Variants in IFIT3 observed in about 807,000 individuals in gnomAD.
IFIT3 encodes interferon induced protein with tetratricopeptide repeats 3.
A neutral mutation model predicts 2.4 loss-of-function variants in IFIT3; 2 were observed. The ratio of observed to expected loss-of-function variants is 0.82; its 90% CI spans 0.34 to 2.60. IFIT3 has a LOEUF of 2.60. IFIT3 is among the 30% of genes most tolerant of loss of function. IFIT3 has a pLI of 0.11. For synonymous variants in IFIT3, 203 were observed against 212.1 expected, an observed-to-expected ratio of 0.96 and a Z score of 0.37; for missense variants, 481 against 562.4, an observed-to-expected ratio of 0.86 and a Z score of 1.46.
chr10:89,334,967 G>A (rs1843712985), intron 1 of IFIT3, among the ~76,000 whole-genome samples: 1 of 152,164 alleles, frequency 6.6e-6, no homozygotes. Context: ...CTTGGCAATT[G>A]GAGTATTTGT....
Position 89,339,237 on chromosome 10 carries a change from T to G in IFIT3, c.582T>G (p.Asp194Glu). The change falls in exon 2 of 2, where the codon GAT becomes GAG. Residue 194 changes from aspartate (D) to glutamate (E), a missense_variant. Physicochemically the swap from Asp to Glu is conservative, Grantham distance 45 (BLOSUM62 2). Transcript: ENST00000371818. ...DNHPEKQFST[D>E]VLKQAIELSP... ...ACCCAGAGAAACAGTTCTCTACTGA[T>G]GTTTTGAAGCAGGCCATTGAGCTGA... The G allele has an allele frequency of 6.2e-7, 1 of 1,614,200 alleles. No homozygotes were observed. The highest frequency in any genetic ancestry group is 1.1e-5 in the South Asian group (1 of 91,082).
intron 1 of IFIT3, chr10:89,338,356 A>T: frequency 3.8e-6 from 1 of 260,944 alleles, no homozygotes. Context: ...AAAAAGACCA[A>T]TGTCCTAGCT....
rs2133569883 is a variant in IFIT3, at chr10:89,339,473, A to G, written c.818A>G (p.Asn273Ser). The G allele has an allele frequency of 1.2e-6, 2 of 1,614,096 alleles. No homozygotes were observed. Among genetic ancestry groups the G allele is most frequent in the Non-Finnish European group, 1.7e-6 (2 of 1,179,934 alleles). ...CAACGGGTGTTGGAATCCACACCAA[A>G]CAATGGCTACCTCTATCACCAGATT... ...LFQRVLESTP[N>S]NGYLYHQIGC... Residue 273 changes from asparagine (N) to serine (S), a missense_variant, in exon 2 of 2, where the codon AAC becomes AGC. Transcript: ENST00000371818.
intron 1 of IFIT3, 152 bp from the exon 2 acceptor site, chr10:89,338,509 C>A: frequency 1.4e-6 from 1 of 717,680 alleles, no homozygotes; most frequent in Non-Finnish European, 2.3e-6. Flanking sequence ...TCATGTCTTC[C>A]AGAAACAACC....
chr10:89,336,172 GGGAA>G (rs1180450072), intron 1 of IFIT3, among the ~76,000 whole-genome samples: 67 of 150,230 alleles, frequency 4.5e-4, no homozygotes, highest in East Asian at 7.8e-4. Context: ...GAGGGAGGGA[GGGAA>G]GGAAGGAAGG....
At chr10:89,336,036 T>C (rs527637433) in intron 1 of IFIT3, among the ~76,000 whole-genome samples, 11 of 151,826 alleles carry the variant, frequency 7.2e-5, no homozygotes, top group African/African-American at 2.7e-4. Flanking sequence ...AACACTTTGG[T>C]ATGTCGAGGC....
In IFIT3 at chr10:89,338,914, G is replaced by T. The variant is rs765900036; in HGVS notation, c.259G>T (p.Asp87Tyr). 5 of 1,614,140 alleles carry T rather than the reference G, an allele frequency of 3.1e-6. No homozygotes were observed. The Admixed American group carries it at 8.3e-5, about 27-fold the overall frequency. Residue 87 changes from aspartate to tyrosine, a missense_variant, in exon 2 of 2, where the codon GAC becomes TAC. Transcript: ENST00000371818. ...AGAGTTAATCCAGCAAGAACATGCT[G>T]ACCAAGCAGAAATCAGAAGTCTAGT... ...AEELIQQEHA[D>Y]QAEIRSLVTW...
At chr10:89,329,253 T>C (rs1843626940) in intron 1 of IFIT3, among the ~76,000 whole-genome samples, 1 of 152,078 alleles carries the variant, frequency 6.6e-6, no homozygotes, top group Non-Finnish European at 1.5e-5. Context: ...TGTTTGGGGA[T>C]GAGATGGGTA....
rs547323886 is a variant in IFIT3 at position 89,332,427 on chromosome 10, A to T, written c.5+4349A>T. The T allele has an allele frequency of 2.1e-5, 29 of 1,357,414 alleles. No individual in the cohort carries two copies. In the African/African-American group the frequency reaches 3.7e-4, roughly 17 times the overall value. The allele number at this position is 1,357,414 out of a possible 1,614,324, so 84.1% of individuals were successfully genotyped here. ...TGGCGTGAGTGAGCTCAGTTCTCACAGATTCTGTTTCAGTTTCCCCTCAAG... is the reference window on the plus strand; with the variant it reads ...TGGCGTGAGTGAGCTCAGTTCTCACTGATTCTGTTTCAGTTTCCCCTCAAG... On this transcript the variant is annotated intron_variant, in intron 1 of 1. Transcript: ENST00000371818.
Position 89,340,131 on chromosome 10 carries a change from C to A in IFIT3, c.*3C>A. The A allele has an allele frequency of 6.3e-7, 1 of 1,577,118 alleles. No individual in the cohort carries two copies. The highest frequency in any genetic ancestry group is 8.6e-7 in the Non-Finnish European group (1 of 1,160,902). On this transcript the variant is annotated 3_prime_UTR_variant, in exon 2 of 2. Coordinates refer to ENST00000371818, the MANE Select transcript of IFIT3 (RefSeq NM_001549.6). ...CTAACTCAGAGCAACTGAACTGAGA[C>A]AGAGGAGGAAAACAGAGCATCAGAA...
chr10:89,340,075 G>C lies in IFIT3; in HGVS notation c.1420G>C (p.Ala474Pro), dbSNP rs750097286. 6.2e-7 allele frequency: 1 copy of C among 1,612,996 alleles called. No individual in the cohort carries two copies. Among genetic ancestry groups the C allele is most frequent in the African/African-American group, 1.3e-5 (1 of 74,898 alleles). The stretch of plus-strand genomic sequence containing the variant: ...TGGTAGTGAGGAAATGGGCCAGGGC[G>C]CAGTCAGCTCCAGTCCCAGAGAGCT... ...EDGSEEMGQG[A>P]VSSSPRELLS... Residue 474 changes from alanine to proline, a missense_variant, in exon 2 of 2, where the codon GCA (alanine) becomes CCA (proline). Ala to Pro is a conservative substitution (Grantham distance 27). Transcript: ENST00000371818.
At chr10:89,335,111 G>A (rs1261435404) in intron 1 of IFIT3, among the ~76,000 whole-genome samples, 1 of 152,140 alleles carries the variant, frequency 6.6e-6, no homozygotes, top group East Asian at 1.9e-4. Context: ...GAGAGATCAA[G>A]TATCAAATAC....
chr10:89,339,805 G>C lies in IFIT3; in HGVS notation c.1150G>C (p.Glu384Gln), dbSNP rs1564793591. The C allele has an allele frequency of 6.2e-7, 1 of 1,614,192 alleles. No individual in the cohort carries two copies. The highest frequency in any genetic ancestry group is 1.3e-5 in the African/African-American group (1 of 75,062). ...AGACACTGCTGTGCAACATGGTTTA[G>C]AGGGTTTGTCCATAAGCAAAAAATC... is the stretch of plus-strand genomic sequence containing the variant. The part of the protein sequence containing the change: ...SEDTAVQHGL[E>Q]GLSISKKSTD... The change falls in exon 2 of 2, where the codon GAG (glutamate) becomes CAG (glutamine). Residue 384 changes from glutamate (E) to glutamine (Q), a missense_variant. By Grantham distance (29) the Glu-to-Gln change is conservative (BLOSUM62 2). Coordinates refer to ENST00000371818, the MANE Select transcript of IFIT3 (RefSeq NM_001549.6).
At chr10:89,333,324 TTGAG>T (rs1843678635) in intron 1 of IFIT3, among the ~76,000 whole-genome samples, 1 of 152,174 alleles carries the variant, frequency 6.6e-6, no homozygotes, top group Non-Finnish European at 1.5e-5. Context: ...GAAATCCTGA[TTGAG>T]TAAAACAGAA....
chr10:89,334,520 G>T (rs145299689), intron 1 of IFIT3, among the ~76,000 whole-genome samples: 3,655 of 45,632 alleles, frequency 0.08, 267 homozygotes, highest in African/African-American at 0.29. Context: ...TTTTGAGACG[G>T]AGTTTTGCTC....
At position 89,334,478 on chromosome 10, in the gene IFIT3, C is replaced by CTTTTTTTTTTTTTTTTTTTTT. The variant is rs578154457; in HGVS notation, c.6-4168_6-4148dup. 6.7e-4 allele frequency among the ~76,000 whole-genome samples: 17 copies of CTTTTTTTTTTTTTTTTTTTTT among 25,316 alleles called. 1 individual carries two copies. Among genetic ancestry groups the CTTTTTTTTTTTTTTTTTTTTT allele is most frequent in the African/African-American group, 1.0e-3 (6 of 5,882 alleles). The allele number at this position is 25,316 out of a possible 152,430, so 16.6% of individuals were successfully genotyped here. On this transcript the variant is annotated intron_variant, in intron 1 of 1. Transcript: ENST00000371818. ...TGTTTTTTCTTCTTTTTCTTTTATTCTTTTTTTTTTTTTTTTTTTTTTTTT... is the reference window on the plus strand; with the variant it reads ...TGTTTTTTCTTCTTTTTCTTTTATTCTTTTTTTTTTTTTTTTTTTTTTTTTTTTTTTTTTTTTTTTTTTTTT...
chr10:89,336,532 C>T (rs905786455), intron 1 of IFIT3, among the ~76,000 whole-genome samples: 11 of 152,260 alleles, frequency 7.2e-5, no homozygotes, highest in African/African-American at 2.2e-4. Flanking sequence ...CTTGCAGTAG[C>T]GGTGTGAGGG....
intron 1 of IFIT3, among the ~76,000 whole-genome samples, chr10:89,337,148 G>GA (rs1168241039): frequency 6.6e-6 from 1 of 152,140 alleles, no homozygotes; most frequent in Non-Finnish European, 1.5e-5. Flanking sequence ...AAGATGAAGG[G>GA]AAAAATACCT....
chr10:89,328,318 G>A (rs909904059), intron 1 of IFIT3, among the ~76,000 whole-genome samples: 2 of 152,138 alleles, frequency 1.3e-5, no homozygotes, highest in Non-Finnish European at 2.9e-5. Flanking sequence ...GGGAGGCAGG[G>A]TGGGGAATGC....
Sources: gnomAD v4.1 joint callset for allele counts (sites outside exome capture counted in the v4.1 genomes callset) on GRCh38, gnomAD v4.1.1 for gene constraint, MANE v1.5 for transcripts, NCBI Gene and HGNC (gene_info 2026-07-23, HGNC 2026-07-21) for gene names.